The following AGMO variants were observed in gnomAD, a reference collection of about 807,000 sequenced individuals.
AGMO encodes the protein glyceryl-ether monooxygenase.
Under a neutral mutation model 60.2 loss-of-function variants are expected in AGMO, and 75 were observed. That is an observed-to-expected ratio of 1.25 (90% CI 1.03 to 1.51). The LOEUF (loss-of-function observed/expected upper bound fraction) is 1.51. Ranked by LOEUF, AGMO falls within the 40% of genes most tolerant of loss-of-function variation. AGMO has a pLI of 0.00. For missense variants in AGMO, 763 were observed against 525.5 expected (o/e 1.45, Z -4.42); for synonymous variants, 261 against 177.1 (o/e 1.47, Z -3.76).
intron 12 of AGMO, among the ~76,000 whole-genome samples, chr7:15,280,101 C>T (rs1015209429): frequency 7.9e-5 from 12 of 152,132 alleles, no homozygotes; most frequent in South Asian, 4.1e-4. Context: ...ACTGTAGCCA[C>T]GAGCACAGAA....
chr7:15,167,912 A>T, the AGMO span, among the ~76,000 whole-genome samples: 8 of 152,354 alleles, frequency 5.3e-5, no homozygotes, highest in Middle Eastern at 3.4e-3. Flanking sequence ...TCATGGCAGG[A>T]CACAGTGATC....
chr7:15,143,016 G>T, the AGMO span, among the ~76,000 whole-genome samples: 1 of 152,104 alleles, frequency 6.6e-6, no homozygotes, highest in African/African-American at 2.4e-5. Flanking sequence ...GAGGAGCCAG[G>T]ATATAAACCC....
At chr7:15,235,666 G>A (rs993595056) in intron 12 of AGMO, among the ~76,000 whole-genome samples, 5 of 152,114 alleles carry the variant, frequency 3.3e-5, no homozygotes, top group South Asian at 4.1e-4. Flanking sequence ...AAAGAAAATA[G>A]AGATAGGGAT....
intron 10 of AGMO, among the ~76,000 whole-genome samples, chr7:15,382,725 T>C (rs1003727594): frequency 8.5e-5 from 13 of 152,280 alleles, no homozygotes; most frequent in African/African-American, 2.9e-4. Context: ...CTGGAAACAC[T>C]TGCCATATTC....
At chr7:15,139,368 AC>A in the AGMO span, among the ~76,000 whole-genome samples, 2 of 152,058 alleles carry the variant, frequency 1.3e-5, no homozygotes, top group Non-Finnish European at 2.9e-5. Flanking sequence ...TCTTTCTTTA[AC>A]TTTTATCTTA....
intron 12 of AGMO, among the ~76,000 whole-genome samples, chr7:15,326,349 T>A (rs1781339270): frequency 6.6e-6 from 1 of 152,166 alleles, no homozygotes; most frequent in Admixed American, 6.5e-5. Context: ...TGATAGGTGT[T>A]TTTTAGAATA....
chr7:15,457,864 C>T (rs1014588005), intron 3 of AGMO, among the ~76,000 whole-genome samples: 13 of 152,084 alleles, frequency 8.5e-5, no homozygotes, highest in Non-Finnish European at 1.3e-4. Context: ...AGGCTTTACT[C>T]TTTGGTACAG....
intron 12 of AGMO, among the ~76,000 whole-genome samples, chr7:15,317,062 A>T (rs903164971): frequency 1.3e-5 from 2 of 152,164 alleles, no homozygotes; most frequent in Non-Finnish European, 2.9e-5. Context: ...AAATACTTCC[A>T]GTTTACAACT....
the AGMO span, among the ~76,000 whole-genome samples, chr7:15,185,105 A>C: frequency 3.4e-4 from 51 of 152,198 alleles, no homozygotes; most frequent in African/African-American, 1.2e-3. Context: ...TATTCATATA[A>C]GGTTAAAATT....
chr7:15,344,113 G>C (rs1583432037), intron 12 of AGMO, among the ~76,000 whole-genome samples: 1 of 152,182 alleles, frequency 6.6e-6, no homozygotes, highest in Non-Finnish European at 1.5e-5. Flanking sequence ...AGAATTTCTT[G>C]ATTACTCATT....
intron 12 of AGMO, among the ~76,000 whole-genome samples, chr7:15,337,561 T>A (rs1050307544): frequency 6.6e-6 from 1 of 152,138 alleles, no homozygotes; most frequent in Non-Finnish European, 1.5e-5. Flanking sequence ...GAAAACTGAT[T>A]AAATCTACCA....
intron 12 of AGMO, among the ~76,000 whole-genome samples, chr7:15,350,178 G>T (rs1177374682): frequency 6.6e-6 from 1 of 152,050 alleles, no homozygotes; most frequent in Non-Finnish European, 1.5e-5. Context: ...TTAAATACTT[G>T]TTCAAGGATA....
At chr7:15,332,722 G>A (rs935760810) in intron 12 of AGMO, among the ~76,000 whole-genome samples, 3 of 151,972 alleles carry the variant, frequency 2.0e-5, no homozygotes, top group African/African-American at 7.2e-5. Context: ...CTTATCAGGT[G>A]CTTAATAAAC....
intron 3 of AGMO, among the ~76,000 whole-genome samples, chr7:15,438,935 A>G (rs563723807): frequency 5.3e-5 from 8 of 152,228 alleles, no homozygotes; most frequent in Non-Finnish European, 8.8e-5. Flanking sequence ...TTATCAGTCT[A>G]TCTTCTTCAC....
chr7:15,415,382 A>C (rs1025206196), intron 5 of AGMO, among the ~76,000 whole-genome samples: 4 of 151,936 alleles, frequency 2.6e-5, no homozygotes, highest in African/African-American at 2.4e-5. Flanking sequence ...ATCTCTACTA[A>C]AAATACAAAA....
At chr7:15,203,681 C>T (rs1416647181) in intron 12 of AGMO, among the ~76,000 whole-genome samples, 1 of 152,046 alleles carries the variant, frequency 6.6e-6, no homozygotes, top group African/African-American at 2.4e-5. Flanking sequence ...ATCTAATTCT[C>T]ATGACAAACT....
the AGMO span, among the ~76,000 whole-genome samples, chr7:15,184,299 C>G: frequency 0.71 from 48,426 of 67,748 alleles, 15,565 homozygotes; most frequent in African/African-American, 0.85. Flanking sequence ...GGAAGGGAGG[C>G]AGGCAGGGAG....
At chr7:15,146,835 G>C in the AGMO span, among the ~76,000 whole-genome samples, 6 of 152,120 alleles carry the variant, frequency 3.9e-5, no homozygotes, top group African/African-American at 1.4e-4. Context: ...CTCAAAATCA[G>C]TGAAATATTG....
At chr7:15,287,906 T>C (rs1460626239) in intron 12 of AGMO, among the ~76,000 whole-genome samples, 2 of 152,208 alleles carry the variant, frequency 1.3e-5, no homozygotes, top group Non-Finnish European at 2.9e-5. Context: ...CAATCAACAG[T>C]TATGTAGCCA....
Sources: gnomAD v4.1 joint callset for allele counts (sites outside exome capture counted in the v4.1 genomes callset) on GRCh38, gnomAD v4.1.1 for gene constraint, MANE v1.5 for transcripts, NCBI Gene and HGNC (gene_info 2026-07-23, HGNC 2026-07-21) for gene names.